Variants in ATP6V0A1 observed in about 807,000 individuals in gnomAD.
ATP6V0A1 encodes the protein V-type proton ATPase 116 kDa subunit a 1.
In ATP6V0A1, 43 loss-of-function variants were observed where a neutral mutation model predicts 105.4. The observed-to-expected ratio is 0.41, with a 90% CI of 0.32 to 0.53. The LOEUF (loss-of-function observed/expected upper bound fraction) is 0.53. Ranked by LOEUF, ATP6V0A1 falls within the 20% of genes least tolerant of loss-of-function variation. The pLI, the probability that ATP6V0A1 is intolerant of heterozygous loss-of-function variation, is 0.30. For missense variants in ATP6V0A1, 676 were observed against 1,051.1 expected (o/e 0.64, Z 4.93); for synonymous variants, 362 against 372.8 (o/e 0.97, Z 0.33).
Position 42,513,990 on chromosome 17 carries a change from T to G in ATP6V0A1, c.2248+12T>G, listed in dbSNP as rs1262627174. The G allele has an allele frequency of 6.2e-7, 1 of 1,610,090 alleles. No individual in the cohort carries two copies. The highest frequency in any genetic ancestry group is 8.5e-7 in the Non-Finnish European group (1 of 1,176,426). ...CCTCGCTCATGCGCGTGAGTACCTC[T>G]CTCCGGGCTCCGGAACTCTAGTTTC... On this transcript the variant is annotated intron_variant, in intron 20 of 21. Transcript: ENST00000343619.
At chr17:42,515,298 C>T (rs1270343267) in intron 21 of ATP6V0A1, among the ~76,000 whole-genome samples, 1 of 151,474 alleles carries the variant, frequency 6.6e-6, no homozygotes, top group Non-Finnish European at 1.5e-5. Context: ...AAAACCCCGT[C>T]TCTACTAAAT....
At chr17:42,468,250 TGATA>T (rs1265352886) in intron 4 of ATP6V0A1, 143 bp downstream of exon 4, 3 of 504,162 alleles carry the variant, frequency 6.0e-6, no homozygotes, top group African/African-American at 2.0e-5. Context: ...GGTGGGATTT[TGATA>T]GATAATATTT....
chr17:42,480,362 A>G (rs1276833247), intron 7 of ATP6V0A1: 1 of 182,816 alleles, frequency 5.5e-6, no homozygotes, highest in African/African-American at 2.3e-5. Flanking sequence ...TTCAGGCAAT[A>G]TAAGATTTAA....
At chr17:42,506,795 A>C (rs2092056016) in intron 17 of ATP6V0A1, among the ~76,000 whole-genome samples, 1 of 152,162 alleles carries the variant, frequency 6.6e-6, no homozygotes, top group African/African-American at 2.4e-5. Flanking sequence ...GAGACCCTAC[A>C]AAAGACTGTG....
chr17:42,501,708 C>T (rs755838206), intron 17 of ATP6V0A1, among the ~76,000 whole-genome samples: 152 of 151,644 alleles, frequency 1.0e-3, no homozygotes, highest in African/African-American at 2.5e-3. Flanking sequence ...CCACCATGCC[C>T]GGCCACAAAT....
intron 18 of ATP6V0A1, 58 bp from the exon 19 acceptor site, chr17:42,508,514 A>G: frequency 1.2e-6 from 2 of 1,608,604 alleles, no homozygotes; most frequent in East Asian, 4.5e-5. Flanking sequence ...TTGTGCTCCT[A>G]ACTTGTGACC....
rs1310769971 is a variant in ATP6V0A1 at position 42,494,346 on chromosome 17, T to C, written c.1187T>C (p.Ile396Thr). Reference sequence around the variant, plus strand: ...GGTTTCTTCATAGCTCCGTATACTATTATCACGTTCCCTTTTCTATTTGCT... The same window carrying C: ...GGTTTCTTCATAGCTCCGTATACTACTATCACGTTCCCTTTTCTATTTGCT... ...YREINPAPYT[I>T]ITFPFLFAVM... The change falls in exon 12 of 22, where the codon ATT becomes ACT. Residue 396 changes from isoleucine (I) to threonine (T), a missense_variant. Ile to Thr is a moderately conservative substitution (Grantham distance 89). This residue lies in a region of ATP6V0A1 where 435 missense variants were observed against 642.2 expected (regional missense o/e 0.68). Coordinates refer to ENST00000343619, the MANE Select transcript of ATP6V0A1 (RefSeq NM_001130021.3). 2 of 1,613,354 alleles carry C rather than the reference T, an allele frequency of 1.2e-6. No homozygotes were observed. Among genetic ancestry groups the C allele is most frequent in the Non-Finnish European group, 1.7e-6 (2 of 1,179,440 alleles).
In ATP6V0A1 at chr17:42,467,968, C is replaced by T. The variant is rs758968153; in HGVS notation, c.197-42C>T. 5 of 1,387,140 alleles carry T rather than the reference C, an allele frequency of 3.6e-6. No homozygotes were observed. In the South Asian group the frequency reaches 5.1e-5, roughly 14 times the overall value. 85.9% of individuals were successfully genotyped at this position (1,387,140 alleles called of 1,614,324 possible). On this transcript the variant is annotated intron_variant, in intron 3 of 21. Coordinates refer to ENST00000343619, the MANE Select transcript of ATP6V0A1 (RefSeq NM_001130021.3). ...TTCCTTAAATAATGGCAATTACGAG[C>T]ATGTGCAGTTAGACATGAATGTTTT...
At chr17:42,484,069 T>C (rs916621439) in intron 9 of ATP6V0A1, among the ~76,000 whole-genome samples, 8 of 151,898 alleles carry the variant, frequency 5.3e-5, no homozygotes, top group Admixed American at 5.3e-4. Flanking sequence ...TTTGTTCGTT[T>C]GTTTGTTTTT....
intron 19 of ATP6V0A1, chr17:42,511,261 G>C (rs1476094899): frequency 1.3e-5 from 2 of 152,280 alleles, no homozygotes; most frequent in African/African-American, 4.8e-5. Context: ...TTGGCTGGGC[G>C]TGGTGGCTCA....
intron 2 of ATP6V0A1, among the ~76,000 whole-genome samples, chr17:42,464,730 A>G (rs1443683273): frequency 6.6e-6 from 1 of 152,090 alleles, no homozygotes; most frequent in Non-Finnish European, 1.5e-5. Flanking sequence ...CTATGTGTGT[A>G]TGCATATAAT....
Position 42,499,020 on chromosome 17 carries a change from A to G in ATP6V0A1, c.1657A>G (p.Ser553Gly), listed in dbSNP as rs781058283. 22 of 1,609,738 alleles carry G rather than the reference A, an allele frequency of 1.4e-5. No homozygotes were observed. The highest frequency in any genetic ancestry group is 1.6e-4 in the Middle Eastern group (1 of 6,074). ...LGIIHMLFGV[S>G]LSLFNHIYFK... ...TATCATCCATATGCTGTTTGGAGTC[A>G]GCCTGAGTCTGTTCAACCATATGTG... Residue 553 changes from serine to glycine, a missense_variant, in exon 15 of 22, where the codon AGC becomes GGC. Physicochemically the swap from Ser to Gly is moderately conservative, Grantham distance 56. Around this residue, in one of 3 missense-constraint regions of ATP6V0A1, gnomAD observed 435 missense variants for 642.2 expected, o/e 0.68. Transcript: ENST00000343619.
In ATP6V0A1 at chr17:42,466,435, C is replaced by A; in HGVS notation, c.124C>A (p.Pro42Thr). The A allele has an allele frequency of 6.2e-7, 1 of 1,610,856 alleles. No individual in the cohort carries two copies. Among genetic ancestry groups the A allele is most frequent in the South Asian group, 1.1e-5 (1 of 90,954 alleles). The change falls in exon 3 of 22, where the codon CCA becomes ACA. Residue 42 changes from proline (P) to threonine (T), a missense_variant. This residue lies in a region of ATP6V0A1 where 239 missense variants were observed against 388.4 expected (regional missense o/e 0.62). Coordinates refer to ENST00000343619, the MANE Select transcript of ATP6V0A1 (RefSeq NM_001130021.3). The part of the protein sequence containing the change: ...LGKVQFRDLN[P>T]DVNVFQRKFV... ...TTGTGTTTTTATTTTTCAGTTAAAT[C>A]CAGATGTGAATGTTTTCCAACGGAA...
chr17:42,501,244 T>C lies in ATP6V0A1; in HGVS notation c.1944T>C (p.Pro648=), dbSNP rs1162337037. 5 of 1,614,168 alleles carry C rather than the reference T, an allele frequency of 3.1e-6. No individual in the cohort carries two copies. The highest frequency in any genetic ancestry group is 3.4e-6 in the Non-Finnish European group (4 of 1,180,016). The change falls in exon 17 of 22, where the codon CCT becomes CCC. Residue 648 remains proline (P), a synonymous_variant. Coordinates refer to ENST00000343619, the MANE Select transcript of ATP6V0A1 (RefSeq NM_001130021.3). ...TAGTGGTTGCACTACTGTGTGTACC[T>C]TGGATGCTGCTGTTTAAACCATTGG... is the stretch of plus-strand genomic sequence containing the variant. The part of the protein sequence containing the change: ...FLVVVALLCV[P]WMLLFKPLVL...
intron 21 of ATP6V0A1, among the ~76,000 whole-genome samples, chr17:42,516,303 G>A (rs745936244): frequency 6.6e-6 from 1 of 152,098 alleles, no homozygotes; most frequent in African/African-American, 2.4e-5. Flanking sequence ...TGAATGATGG[G>A]CGGAGAGTGA....
At chr17:42,503,262 G>A (rs1417949721) in intron 17 of ATP6V0A1, among the ~76,000 whole-genome samples, 2 of 152,196 alleles carry the variant, frequency 1.3e-5, no homozygotes, top group Non-Finnish European at 2.9e-5. Context: ...TTCTTGAATT[G>A]ATTTCCCTGC....
intron 11 of ATP6V0A1, among the ~76,000 whole-genome samples, chr17:42,493,983 C>T (rs1012292207): frequency 5.9e-5 from 9 of 152,172 alleles, no homozygotes; most frequent in African/African-American, 2.2e-4. Context: ...GTGGCTCACG[C>T]CTGTAATGCC....
intron 21 of ATP6V0A1, 40 bp from the exon 22 acceptor site, chr17:42,520,987 G>A (rs2092819744): frequency 6.5e-7 from 1 of 1,529,006 alleles, no homozygotes; most frequent in Admixed American, 1.9e-5. Flanking sequence ...GCTTCACAAA[G>A]TTTCTATTGA....
intron 17 of ATP6V0A1, 34 bp downstream of exon 17, chr17:42,501,338 CTTTTGTT>C: frequency 6.6e-7 from 1 of 1,516,502 alleles, no homozygotes; most frequent in Non-Finnish European, 9.1e-7. Context: ...AGTTACTAGA[CTTTTGTT>C]TTGTTCAAGA....
Sources: gnomAD v4.1 joint callset for allele counts (sites outside exome capture counted in the v4.1 genomes callset) on GRCh38, gnomAD v4.1.1 for gene constraint, gnomAD v4.1.1 regional missense constraint, MANE v1.5 for transcripts, NCBI Gene and HGNC (gene_info 2026-07-23, HGNC 2026-07-21) for gene names.